The following EXT1 variants were observed in gnomAD, a reference collection of about 807,000 sequenced individuals.
EXT1 encodes exostosin-1.
A neutral mutation model predicts 82.5 loss-of-function variants in EXT1; 20 were observed. That is an observed-to-expected ratio of 0.24 (90% CI 0.17 to 0.35). The LOEUF (loss-of-function observed/expected upper bound fraction) is 0.35, where lower values mean the gene tolerates loss of function less well. EXT1 is among the 10% of genes least tolerant of loss of function. The probability of loss-of-function intolerance (pLI) is 1.00; values close to 1 mark genes in which losing one functional copy is unlikely to be tolerated. For synonymous variants in EXT1, 348 were observed against 350.8 expected (o/e 0.99, Z 0.09); for missense variants, 757 against 936.5 (o/e 0.81, Z 2.50).
chr8:117,993,037 C>G (rs1303289356), intron 1 of EXT1, among the ~76,000 whole-genome samples: 2 of 152,192 alleles, frequency 1.3e-5, no homozygotes, highest in Non-Finnish European at 2.9e-5. Flanking sequence ...AAATTACATT[C>G]ATTCTTTGAG....
At chr8:117,957,932 C>T (rs1283309988) in intron 1 of EXT1, among the ~76,000 whole-genome samples, 3 of 152,186 alleles carry the variant, frequency 2.0e-5, no homozygotes, top group African/African-American at 4.8e-5. Flanking sequence ...ATAAAGTTAT[C>T]ACCAACAGAT....
At chr8:118,050,706 C>A (rs1009546670) in intron 1 of EXT1, among the ~76,000 whole-genome samples, 15 of 152,148 alleles carry the variant, frequency 9.9e-5, no homozygotes, top group Admixed American at 1.3e-4. Flanking sequence ...TTTCACATGT[C>A]ATAAAGTACT....
chr8:117,846,854 G>A (rs1384833511), intron 1 of EXT1, among the ~76,000 whole-genome samples: 1 of 152,254 alleles, frequency 6.6e-6, no homozygotes. Flanking sequence ...TGAGTCCCAG[G>A]AGGCTGGCTG....
rs571286519 is a variant in EXT1 at position 117,892,382 on chromosome 8, T to C, written c.963-55181A>G. On this transcript the variant is annotated intron_variant, in intron 1 of 10. Coordinates refer to ENST00000378204, the MANE Select transcript of EXT1 (RefSeq NM_000127.3). Reference sequence around the variant, plus strand: ...CCAGCAAAAGCCAGCTTGAATCTGGTAAGAAAACTGCTGCTACTACTTCTA... The same window carrying C: ...CCAGCAAAAGCCAGCTTGAATCTGGCAAGAAAACTGCTGCTACTACTTCTA... Among the ~76,000 whole-genome samples the C allele has an allele frequency of 4.6e-5, 7 of 152,322 alleles. No homozygotes were observed. The East Asian group carries it at 1.3e-3, about 29-fold the overall frequency.
intron 1 of EXT1, among the ~76,000 whole-genome samples, chr8:117,986,831 T>C (rs1422613093): frequency 4.6e-5 from 7 of 152,248 alleles, no homozygotes; most frequent in South Asian, 4.1e-4. Context: ...AAATAGAACC[T>C]GCTCATGTTG....
intron 5 of EXT1, among the ~76,000 whole-genome samples, chr8:117,821,713 C>A (rs560102086): frequency 6.6e-6 from 1 of 152,290 alleles, no homozygotes; most frequent in East Asian, 1.9e-4. Flanking sequence ...TGTCTTTTTG[C>A]TGTATCAGCT....
At position 118,110,682 on chromosome 8, in the gene EXT1, T is replaced by G; in HGVS notation, c.365A>C (p.Gln122Pro). 1 of 1,614,190 alleles carries G rather than the reference T, an allele frequency of 6.2e-7. No individual in the cohort carries two copies. The highest frequency in any genetic ancestry group is 2.2e-5 in the East Asian group (1 of 44,884). Residue 122 changes from glutamine to proline, a missense_variant, in exon 1 of 11, where the codon CAA becomes CCA. Gln to Pro is a moderately conservative substitution (Grantham distance 76). Around this residue, in one of 4 missense-constraint regions of EXT1, gnomAD observed 175 missense variants for 159.0 expected, o/e 1.10. Transcript: ENST00000378204. The stretch of plus-strand genomic sequence containing the variant: ...ACTTTCGGCGATTTTCTCCCCTTTT[T>G]GCTGTGGGTATACGTAGACTTTGAA... ...NGFKVYVYPQ[Q>P]KGEKIAESYQ... is the part of the protein sequence containing the mutation.
chr8:117,915,370 T>TATAC (rs1296058184), intron 1 of EXT1, among the ~76,000 whole-genome samples: 3 of 151,704 alleles, frequency 2.0e-5, no homozygotes, highest in Non-Finnish European at 4.4e-5. Flanking sequence ...TATATATATA[T>TATAC]ACCTGAATAG....
chr8:117,974,993 C>T (rs1355941165), intron 1 of EXT1, among the ~76,000 whole-genome samples: 1 of 152,178 alleles, frequency 6.6e-6, no homozygotes, highest in Non-Finnish European at 1.5e-5. Flanking sequence ...TAAAATAAAA[C>T]CTTGGTTGAA....
At position 117,948,641 on chromosome 8, in the gene EXT1, G is replaced by T. The variant is rs756075959; in HGVS notation, c.963-111440C>A. On this transcript the variant is annotated intron_variant, in intron 1 of 10. Transcript: ENST00000378204. ...ACTCATTTTCACTGAATGCATAAAA[G>T]GTCACTAGTTGAAGCCAGACATCTC... Among the ~76,000 whole-genome samples the T allele has an allele frequency of 9.1e-4, 138 of 152,292 alleles. 1 individual carries two copies. The highest frequency in any genetic ancestry group is 4.9e-4 in the Non-Finnish European group (33 of 68,020).
intron 1 of EXT1, among the ~76,000 whole-genome samples, chr8:117,934,557 TC>T (rs1221220677): frequency 6.6e-6 from 1 of 152,216 alleles, no homozygotes; most frequent in Non-Finnish European, 1.5e-5. Flanking sequence ...ACGCCCCCTT[TC>T]CCTTCCTTCT....
At chr8:117,935,474 C>G (rs1055648612) in intron 1 of EXT1, among the ~76,000 whole-genome samples, 2 of 151,996 alleles carry the variant, frequency 1.3e-5, no homozygotes, top group Non-Finnish European at 2.9e-5. Flanking sequence ...CACCAACACG[C>G]CTGGTACACA....
chr8:117,932,834 T>C (rs945835907), intron 1 of EXT1, among the ~76,000 whole-genome samples: 1 of 152,148 alleles, frequency 6.6e-6, no homozygotes, highest in Non-Finnish European at 1.5e-5. Context: ...TGGATTTCCA[T>C]CCAAGGATAG....
chr8:118,017,602 C>T (rs1029214722), intron 1 of EXT1, among the ~76,000 whole-genome samples: 1 of 152,108 alleles, frequency 6.6e-6, no homozygotes, highest in Non-Finnish European at 1.5e-5. Context: ...GTCCACAGTC[C>T]AATGAACAAA....
chr8:118,057,649 T>C (rs1176189650), intron 1 of EXT1, among the ~76,000 whole-genome samples: 1 of 148,818 alleles, frequency 6.7e-6, no homozygotes, highest in Non-Finnish European at 1.5e-5. Context: ...TATTGAGGGG[T>C]TCAAAAAATG....
chr8:117,819,782 G>C lies in EXT1; in HGVS notation c.1430C>G (p.Pro477Arg), dbSNP rs145720047. 5.9e-5 allele frequency: 95 copies of C among 1,613,260 alleles called. No homozygotes were observed. The highest frequency in any genetic ancestry group is 6.5e-5 in the Non-Finnish European group (77 of 1,179,896). ...YYYANLGLKP[P>R]SKFTAVIHAV... ...ATGGATGACTGCAGTGAATTTGGAG[G>C]GGGGCTTTAAACCTGAAATAAAAAG... Residue 477 changes from proline (P) to arginine (R), a missense_variant, in exon 6 of 11, where the codon CCC (proline) becomes CGC (arginine). This residue lies in a region of EXT1 where 207 missense variants were observed against 224.2 expected (regional missense o/e 0.92). Transcript: ENST00000378204.
At chr8:118,104,765 A>C (rs1490749503) in intron 1 of EXT1, among the ~76,000 whole-genome samples, 1 of 152,142 alleles carries the variant, frequency 6.6e-6, no homozygotes, top group Non-Finnish European at 1.5e-5. Flanking sequence ...CAGATTTTGG[A>C]GCATTTTGGA....
chr8:117,875,102 C>A (rs1347977250), intron 1 of EXT1, among the ~76,000 whole-genome samples: 1 of 152,064 alleles, frequency 6.6e-6, no homozygotes, highest in Non-Finnish European at 1.5e-5. Flanking sequence ...GGAAATCAGC[C>A]GCCTAAGATG....
At chr8:118,094,273 GAAC>G (rs1341462501) in intron 1 of EXT1, among the ~76,000 whole-genome samples, 1 of 152,158 alleles carries the variant, frequency 6.6e-6, no homozygotes, top group Non-Finnish European at 1.5e-5. Context: ...ACTCTCGGTT[GAAC>G]AACATCTGGG....
Sources: gnomAD v4.1 joint callset for allele counts (sites outside exome capture counted in the v4.1 genomes callset) on GRCh38, gnomAD v4.1.1 for gene constraint, gnomAD v4.1.1 regional missense constraint, MANE v1.5 for transcripts, NCBI Gene and HGNC (gene_info 2026-07-23, HGNC 2026-07-21) for gene names.